Variants in ARHGEF3 observed in about 807,000 individuals in gnomAD.
ARHGEF3 encodes the protein Rho guanine nucleotide exchange factor 3, also known as 59.8 kDA protein.
A neutral mutation model predicts 63.2 loss-of-function variants in ARHGEF3; 28 were observed. The observed-to-expected ratio is 0.44, with a 90% confidence interval of 0.33 to 0.61. The LOEUF (loss-of-function observed/expected upper bound fraction) is 0.61. Ranked by LOEUF, ARHGEF3 falls within the 20% of genes least tolerant of loss-of-function variation. The pLI is 0.03. For synonymous variants in ARHGEF3, 266 were observed against 254.2 expected (o/e 1.05, Z -0.44); for missense variants, 533 against 659.3 (o/e 0.81, Z 2.10).
intron 2 of ARHGEF3, among the ~76,000 whole-genome samples, chr3:57,030,921 C>T (rs141054546): frequency 9.8e-5 from 15 of 152,320 alleles, no homozygotes; most frequent in Non-Finnish European, 1.8e-4. Flanking sequence ...ACAAACTGCC[C>T]ATAAATCACA....
chr3:56,944,285 A>T (rs1028288444), intron 3 of ARHGEF3, among the ~76,000 whole-genome samples: 3 of 152,218 alleles, frequency 2.0e-5, no homozygotes, highest in African/African-American at 7.2e-5. Context: ...TCTTCTGTAA[A>T]GGATTCACCA....
chr3:56,973,020 TG>T (rs1381135583), intron 2 of ARHGEF3, among the ~76,000 whole-genome samples: 2 of 148,546 alleles, frequency 1.3e-5, no homozygotes, highest in Non-Finnish European at 3.0e-5. Context: ...ACAGTTTTTT[TG>T]TTTTTTTTTT....
intron 2 of ARHGEF3, among the ~76,000 whole-genome samples, chr3:56,756,612 C>T (rs538012868): frequency 1.6e-4 from 22 of 137,442 alleles, no homozygotes; most frequent in Non-Finnish European, 2.9e-4. Context: ...TACAGTGGTG[C>T]GATCTCGGCT....
At chr3:57,013,590 G>A (rs1017303890) in intron 2 of ARHGEF3, among the ~76,000 whole-genome samples, 1 of 152,068 alleles carries the variant, frequency 6.6e-6, no homozygotes, top group African/African-American at 2.4e-5. Flanking sequence ...GGGACTTGGA[G>A]AACTTTTGTG....
intron 1 of ARHGEF3, among the ~76,000 whole-genome samples, chr3:56,781,282 C>T (rs1236791782): frequency 6.8e-6 from 1 of 146,976 alleles, no homozygotes; most frequent in East Asian, 2.0e-4. Flanking sequence ...GAGTCTCGTT[C>T]TGTCACTGGG....
chr3:56,827,944 CAAA>C (rs11462683), intron 4 of ARHGEF3, among the ~76,000 whole-genome samples: 1 of 33,808 alleles, frequency 3.0e-5, no homozygotes, highest in African/African-American at 1.4e-4. Context: ...GATTCTGTCT[CAAA>C]AAAAAAAAAA....
chr3:56,915,414 C>T (rs1333363656), intron 3 of ARHGEF3, among the ~76,000 whole-genome samples: 5 of 152,026 alleles, frequency 3.3e-5, no homozygotes, highest in African/African-American at 1.2e-4. Flanking sequence ...TGCAGTGAGC[C>T]GTGATTGTGC....
chr3:57,011,628 A>G (rs1702705406), intron 2 of ARHGEF3, among the ~76,000 whole-genome samples: 2 of 152,150 alleles, frequency 1.3e-5, no homozygotes, highest in Admixed American at 1.3e-4. Context: ...AAGGTTGAGA[A>G]ATCCTAATCT....
intron 4 of ARHGEF3, among the ~76,000 whole-genome samples, chr3:56,874,404 A>G (rs940064216): frequency 2.6e-5 from 4 of 152,242 alleles, no homozygotes; most frequent in Admixed American, 6.5e-5. Flanking sequence ...CTCCCCAGTT[A>G]GCAAGTTCCA....
intron 2 of ARHGEF3, among the ~76,000 whole-genome samples, chr3:56,966,294 A>G (rs1700492080): frequency 6.6e-6 from 1 of 152,240 alleles, no homozygotes; most frequent in East Asian, 1.9e-4. Flanking sequence ...AAGATACAGA[A>G]TTAGGTCTGT....
intron 3 of ARHGEF3, among the ~76,000 whole-genome samples, chr3:56,941,966 T>A (rs528878176): frequency 8.5e-5 from 13 of 152,196 alleles, no homozygotes; most frequent in Admixed American, 8.5e-4. Context: ...CTGACTGGGT[T>A]CAAAAGCTAC....
chr3:56,741,560 C>T (rs2034036105), intron 7 of ARHGEF3, among the ~76,000 whole-genome samples: 1 of 119,860 alleles, frequency 8.3e-6, no homozygotes, highest in Non-Finnish European at 1.6e-5. Context: ...GGCTGGAGAG[C>T]AGTGGCAATC....
chr3:56,732,248 G>A lies in ARHGEF3; in HGVS notation c.1218C>T (p.Asn406=). ...LGGSLRGAFS[N]NERIKNFFRV... is the part of the protein sequence containing the mutation. ...GACTGCTATCCATACTTCTCTCATT[G>A]TTGCTGAATGCCCCTCGCAGGGAGC... The change falls in exon 9 of 10, where the codon AAC becomes AAT. Residue 406 remains asparagine (N), a synonymous_variant. Coordinates refer to ENST00000296315, the MANE Select transcript of ARHGEF3 (RefSeq NM_019555.3). 6.2e-7 allele frequency: 1 copy of A among 1,614,008 alleles called. No individual in the cohort carries two copies. Among genetic ancestry groups the A allele is most frequent in the Non-Finnish European group, 8.5e-7 (1 of 1,180,038 alleles).
chr3:56,838,954 A>AC lies in ARHGEF3; in HGVS notation c.192+43337dup, dbSNP rs3034848. Among the ~76,000 whole-genome samples, 66 of 151,710 alleles carry AC rather than the reference A, an allele frequency of 4.4e-4. 3 individuals carry two copies. The highest frequency in any genetic ancestry group is 1.2e-3 in the Admixed American group (18 of 15,236). ...AGACCAGCCTAGGCAACATAGTGAG[A>AC]CCCCCCTATCTCTACAAAAATAAAA... On this transcript the variant is annotated intron_variant, in intron 4 of 12. Coordinates refer to the ARHGEF3 transcript ENST00000338458.
At chr3:56,785,664 GAA>G (rs2036765702) in intron 1 of ARHGEF3, among the ~76,000 whole-genome samples, 1 of 152,228 alleles carries the variant, frequency 6.6e-6, no homozygotes, top group African/African-American at 2.4e-5. Context: ...AGAGGAAAAA[GAA>G]GTAGGGAGAT....
intron 4 of ARHGEF3, among the ~76,000 whole-genome samples, chr3:56,860,204 G>A (rs1318569715): frequency 3.3e-5 from 5 of 151,892 alleles, no homozygotes; most frequent in Admixed American, 2.6e-4. Flanking sequence ...TAGAGACAGA[G>A]TCTCACTCTG....
intron 2 of ARHGEF3, among the ~76,000 whole-genome samples, chr3:57,003,840 G>A (rs1212490730): frequency 3.9e-5 from 6 of 152,194 alleles, no homozygotes; most frequent in Non-Finnish European, 7.3e-5. Context: ...GGAAAAGCCA[G>A]GAAACCGATC....
At chr3:56,876,120 C>G (rs1560013303) in intron 4 of ARHGEF3, among the ~76,000 whole-genome samples, 1 of 152,104 alleles carries the variant, frequency 6.6e-6, no homozygotes, top group African/African-American at 2.4e-5. Context: ...TGCAGAGGCC[C>G]AGGGACAAGA....
intron 1 of ARHGEF3, among the ~76,000 whole-genome samples, chr3:57,069,376 A>ACACACACACACAC (rs1705749598): frequency 1.4e-5 from 2 of 146,362 alleles, no homozygotes; most frequent in African/African-American, 5.0e-5. Flanking sequence ...CTGTCTCTCA[A>ACACACACACACAC]ACACACACAC....
Sources: gnomAD v4.1 joint callset for allele counts (sites outside exome capture counted in the v4.1 genomes callset) on GRCh38, gnomAD v4.1.1 for gene constraint, MANE v1.5 for transcripts, NCBI Gene and HGNC (gene_info 2026-07-23, HGNC 2026-07-21) for gene names.